ASTN2: variants seen among roughly 807,000 people sequenced by gnomAD.
ASTN2 encodes the protein astrotactin-2.
Under a neutral mutation model 139.8 loss-of-function variants are expected in ASTN2, and 54 were observed. The ratio of observed to expected loss-of-function variants is 0.39; its 90% CI spans 0.31 to 0.48. The LOEUF (loss-of-function observed/expected upper bound fraction) is 0.48. Ranked by LOEUF, ASTN2 falls within the 20% of genes least tolerant of loss-of-function variation. ASTN2 has a pLI of 0.95. For missense variants in ASTN2, 1,565 were observed against 1,725.1 expected, an observed-to-expected ratio of 0.91 and a Z score of 1.64; for synonymous variants, 756 against 719.5, an observed-to-expected ratio of 1.05 and a Z score of -0.81.
At chr9:117,072,044 T>A (rs1373902464) in intron 5 of ASTN2, among the ~76,000 whole-genome samples, 1 of 152,102 alleles carries the variant, frequency 6.6e-6, no homozygotes, top group Non-Finnish European at 1.5e-5. Flanking sequence ...CCCACTCCCA[T>A]TTTACAGATT....
At chr9:117,310,893 A>G (rs1446573050) in intron 1 of ASTN2, among the ~76,000 whole-genome samples, 1 of 152,204 alleles carries the variant, frequency 6.6e-6, no homozygotes, top group East Asian at 1.9e-4. Flanking sequence ...CAAATTGCTT[A>G]CAGGCATGAG....
At chr9:116,685,153 C>T (rs1352054401) in intron 16 of ASTN2, among the ~76,000 whole-genome samples, 1 of 152,164 alleles carries the variant, frequency 6.6e-6, no homozygotes, top group Non-Finnish European at 1.5e-5. Flanking sequence ...GCAGACCCTG[C>T]ACTTGATGGA....
intron 11 of ASTN2, among the ~76,000 whole-genome samples, chr9:116,838,104 TTTTTTTG>T (rs1832063945): frequency 7.3e-6 from 1 of 137,636 alleles, no homozygotes; most frequent in Admixed American, 7.4e-5. Flanking sequence ...TGGCTGTGTT[TTTTTTTG>T]TTTTGTTTTG....
intron 7 of ASTN2, among the ~76,000 whole-genome samples, chr9:117,003,122 G>A (rs1392625110): frequency 6.6e-6 from 1 of 152,184 alleles, no homozygotes. Context: ...CAGGACACAA[G>A]GCAAATACAG....
intron 5 of ASTN2, among the ~76,000 whole-genome samples, chr9:117,090,790 C>A (rs1587952399): frequency 6.6e-6 from 1 of 152,214 alleles, no homozygotes; most frequent in African/African-American, 2.4e-5. Flanking sequence ...ACAGCCAGGT[C>A]TGGCTGAATC....
intron 16 of ASTN2, among the ~76,000 whole-genome samples, chr9:116,680,427 C>T (rs1175429822): frequency 6.6e-6 from 1 of 152,120 alleles, no homozygotes; most frequent in African/African-American, 2.4e-5. Context: ...GGATTCACAG[C>T]CGAATTCTAC....
intron 11 of ASTN2, among the ~76,000 whole-genome samples, chr9:116,862,842 ATACACG>A (rs1412213884): frequency 4.2e-4 from 5 of 11,912 alleles, no homozygotes; most frequent in Non-Finnish European, 2.2e-4. Flanking sequence ...ACACACACAC[ATACACG>A]TTAAAAAGTC....
intron 1 of ASTN2, among the ~76,000 whole-genome samples, chr9:117,293,904 C>T (rs940995605): frequency 3.9e-5 from 6 of 152,224 alleles, no homozygotes; most frequent in African/African-American, 9.6e-5. Flanking sequence ...AGGCACTCCA[C>T]GTGCTGAGAG....
At chr9:117,410,893 C>G (rs1241519858) in intron 1 of ASTN2, among the ~76,000 whole-genome samples, 2 of 152,200 alleles carry the variant, frequency 1.3e-5, no homozygotes, top group African/African-American at 2.4e-5. Context: ...ATTTCAGTTT[C>G]AAACTTACAT....
At chr9:117,081,348 T>C (rs779915039) in intron 5 of ASTN2, among the ~76,000 whole-genome samples, 11 of 152,106 alleles carry the variant, frequency 7.2e-5, no homozygotes, top group African/African-American at 9.7e-5. Flanking sequence ...AATCCATAAA[T>C]AAGAAACATA....
intron 17 of ASTN2, among the ~76,000 whole-genome samples, chr9:116,646,286 GA>G (rs1857585693): frequency 6.6e-6 from 1 of 152,086 alleles, no homozygotes; most frequent in Non-Finnish European, 1.5e-5. Context: ...TTTGAAGTAG[GA>G]AAAGAAAGTC....
chr9:116,600,001 A>G (rs1854790032), intron 19 of ASTN2, among the ~76,000 whole-genome samples: 6 of 152,088 alleles, frequency 3.9e-5, no homozygotes, highest in Admixed American at 3.9e-4. Flanking sequence ...ACACAGAATA[A>G]TTTCTCAGAG....
At chr9:116,941,954 C>A (rs1386685821) in intron 10 of ASTN2, among the ~76,000 whole-genome samples, 2 of 146,742 alleles carry the variant, frequency 1.4e-5, no homozygotes, top group African/African-American at 5.0e-5. Flanking sequence ...CTAATCCTGG[C>A]TTTGCTACTG....
intron 2 of ASTN2, among the ~76,000 whole-genome samples, chr9:117,234,373 C>A (rs1415657522): frequency 6.6e-6 from 1 of 152,210 alleles, no homozygotes; most frequent in Non-Finnish European, 1.5e-5. Context: ...CCACGCCTCT[C>A]CAGCGCCAGC....
chr9:116,742,960 C>T (rs1246785911), intron 13 of ASTN2, among the ~76,000 whole-genome samples: 1 of 152,026 alleles, frequency 6.6e-6, no homozygotes, highest in East Asian at 1.9e-4. Flanking sequence ...AAAAAACTAC[C>T]CAAGACCATC....
intron 20 of ASTN2, among the ~76,000 whole-genome samples, chr9:116,477,949 A>G (rs924147844): frequency 1.3e-5 from 2 of 151,154 alleles, no homozygotes; most frequent in Non-Finnish European, 2.9e-5. Context: ...AGTGTCCATG[A>G]CCAAGAAAGA....
At chr9:117,212,504 AT>A (rs886176798) in intron 3 of ASTN2, among the ~76,000 whole-genome samples, 25 of 152,148 alleles carry the variant, frequency 1.6e-4, no homozygotes, top group African/African-American at 6.0e-4. Context: ...TTCATAAAAT[AT>A]TTATCCAATA....
At chr9:116,679,779 T>C (rs1859730221) in intron 16 of ASTN2, among the ~76,000 whole-genome samples, 1 of 152,114 alleles carries the variant, frequency 6.6e-6, no homozygotes, top group East Asian at 1.9e-4. Context: ...GACTACTGGG[T>C]ACATAACGAA....
intron 4 of ASTN2, among the ~76,000 whole-genome samples, chr9:117,114,691 A>C (rs1829334445): frequency 6.6e-6 from 1 of 152,144 alleles, no homozygotes; most frequent in Non-Finnish European, 1.5e-5. Flanking sequence ...CAATACTTGA[A>C]TCTGGGAGGG....
Sources: gnomAD v4.1 joint callset for allele counts (sites outside exome capture counted in the v4.1 genomes callset) on GRCh38, gnomAD v4.1.1 for gene constraint, MANE v1.5 for transcripts, NCBI Gene and HGNC (gene_info 2026-07-23, HGNC 2026-07-21) for gene names.